Variants in WAC observed in about 807,000 individuals in gnomAD.
WAC encodes the protein WW domain containing adaptor with coiled-coil, also known as WW domain-containing adapter protein with coiled-coil.
A neutral mutation model predicts 79.6 loss-of-function variants in WAC; 11 were observed. That is an observed-to-expected ratio of 0.14 (90% CI 0.09 to 0.23). WAC has a LOEUF of 0.23. WAC is among the 10% of genes least tolerant of loss of function. The pLI is 1.00. For missense variants in WAC, 728 were observed against 773.5 expected (o/e 0.94, Z 0.70); for synonymous variants, 304 against 276.9 (o/e 1.10, Z -0.97).
chr10:28,564,206 A>C (rs1397788669), intron 3 of WAC, among the ~76,000 whole-genome samples: 1 of 152,174 alleles, frequency 6.6e-6, no homozygotes, highest in Non-Finnish European at 1.5e-5. Flanking sequence ...TGGAGGTTGC[A>C]ATGAGCCAAG....
chr10:28,541,675 G>T (rs1212052136), intron 3 of WAC, among the ~76,000 whole-genome samples: 1 of 152,008 alleles, frequency 6.6e-6, no homozygotes, highest in Non-Finnish European at 1.5e-5. Flanking sequence ...AGGCTGATCA[G>T]TATTATTCCT....
At chr10:28,617,811 T>C in intron 13 of WAC, 27 bp downstream of exon 13, 1 of 1,559,470 alleles carries the variant, frequency 6.4e-7, no homozygotes, top group Non-Finnish European at 8.6e-7. Context: ...AATATATTTT[T>C]ATGTTTCTCA....
rs1372882720 is a variant in WAC, at chr10:28,535,730, A to G, written c.247A>G (p.Thr83Ala). The G allele has an allele frequency of 1.2e-6, 2 of 1,613,664 alleles. No individual in the cohort carries two copies. Among genetic ancestry groups the G allele is most frequent in the Non-Finnish European group, 8.5e-7 (1 of 1,179,794 alleles). The change falls in exon 3 of 14, where the codon ACT becomes GCT. Residue 83 changes from threonine to alanine, a missense_variant. Transcript: ENST00000354911. ...TCACAGTAAGGCCAAAAATGTGCAT[A>G]CTCACAGAGTTAGAGAGAGGGATGG... Reference protein sequence around the residue: ...TGHSKAKNVHTHRVRERDGGT... With the variant: ...TGHSKAKNVHAHRVRERDGGT...
intron 3 of WAC, among the ~76,000 whole-genome samples, chr10:28,547,966 C>A (rs1485637710): frequency 7.1e-6 from 1 of 141,240 alleles, no homozygotes; most frequent in Non-Finnish European, 1.5e-5. Context: ...TGTTGCTGAA[C>A]CTGGAGTGTA....
chr10:28,544,212 C>T (rs1837229590), intron 3 of WAC, among the ~76,000 whole-genome samples: 1 of 152,248 alleles, frequency 6.6e-6, no homozygotes, highest in South Asian at 2.1e-4. Context: ...AATTGTTTCG[C>T]ATTGTGTTCC....
intron 5 of WAC, 151 bp from the exon 6 acceptor site, chr10:28,590,569 G>A (rs1840033637): frequency 1.4e-5 from 9 of 620,936 alleles, no homozygotes; most frequent in South Asian, 4.4e-5. Context: ...TGTTTGCTAC[G>A]TTCCATCTCA....
At chr10:28,550,771 A>C (rs150088041) in intron 3 of WAC, among the ~76,000 whole-genome samples, 1 of 152,332 alleles carries the variant, frequency 6.6e-6, no homozygotes, top group East Asian at 1.9e-4. Context: ...CAAATAGTCT[A>C]TTCAGGCTTT....
chr10:28,594,335 T>C (rs1349175369), intron 6 of WAC, among the ~76,000 whole-genome samples: 1 of 152,234 alleles, frequency 6.6e-6, no homozygotes, highest in Non-Finnish European at 1.5e-5. Flanking sequence ...CTGCTATGTC[T>C]GTCTCTAAAG....
At chr10:28,584,827 C>T (rs556868574) in intron 4 of WAC, among the ~76,000 whole-genome samples, 6 of 152,190 alleles carry the variant, frequency 3.9e-5, no homozygotes, top group East Asian at 1.9e-4. Flanking sequence ...CACGGTGGCT[C>T]GCTCCTGTAA....
chr10:28,541,339 A>C (rs1837009677), intron 3 of WAC, among the ~76,000 whole-genome samples: 1 of 151,112 alleles, frequency 6.6e-6, no homozygotes, highest in Non-Finnish European at 1.5e-5. Flanking sequence ...TTGGGATGCT[A>C]TACCAGGCAC....
chr10:28,557,166 G>T (rs1838044376), intron 3 of WAC, among the ~76,000 whole-genome samples: 1 of 151,912 alleles, frequency 6.6e-6, no homozygotes, highest in Admixed American at 6.6e-5. Context: ...GGTAATATAG[G>T]TGTTTATATC....
At chr10:28,611,291 A>T (rs895463473) in intron 9 of WAC, 1 of 1,292,768 alleles carries the variant, frequency 7.7e-7, no homozygotes, top group Non-Finnish European at 1.0e-6. Context: ...ATGGAGAGAG[A>T]TACACATAGG....
rs1214535556 is a variant in WAC at position 28,603,965 on chromosome 10, ATATATATATATATATATATATATG to A, written c.920-4205_920-4182del. On this transcript the variant is annotated intron_variant, in intron 7 of 13. Transcript: ENST00000354911. ...AAAATATATATATGTATGTATGTAT[ATATATATATATATATATATATATG>A]TATATATATATATATTTCTATACTA... 4.3e-3 allele frequency among the ~76,000 whole-genome samples: 113 copies of A among 26,262 alleles called. 5 individuals carry two copies. Among genetic ancestry groups the A allele is most frequent in the African/African-American group, 6.1e-3 (41 of 6,706 alleles). 17.2% of individuals were successfully genotyped at this position (26,262 alleles called of 152,430 possible).
At chr10:28,538,121 A>C (rs1836782429) in intron 3 of WAC, 1 of 157,460 alleles carries the variant, frequency 6.4e-6, no homozygotes, top group Admixed American at 6.5e-5. Flanking sequence ...TCTTCAAAAA[A>C]CGTAAAATGG....
intron 3 of WAC, among the ~76,000 whole-genome samples, chr10:28,556,219 C>T (rs1837976313): frequency 6.6e-6 from 1 of 151,642 alleles, no homozygotes; most frequent in South Asian, 2.1e-4. Context: ...CCCTCACCAA[C>T]ACTTAACCTC....
chr10:28,621,268 C>T lies in WAC; in HGVS notation c.*1662C>T, dbSNP rs77769382. 928 of 138,940 alleles carry T rather than the reference C, an allele frequency of 6.7e-3. 8 individuals carry two copies. The highest frequency in any genetic ancestry group is 0.024 in the African/African-American group (897 of 36,972). 8.6% of individuals were successfully genotyped at this position (138,940 alleles called of 1,614,324 possible). ...GGCAGATAAGTGCTTCCAAAACTGGCAGCACCAAGGGCTTATTTTTTATGT... is the reference window on the plus strand; with the variant it reads ...GGCAGATAAGTGCTTCCAAAACTGGTAGCACCAAGGGCTTATTTTTTATGT... On this transcript the variant is annotated 3_prime_UTR_variant, in exon 14 of 14. Transcript: ENST00000354911.
At chr10:28,557,394 A>G (rs1160337182) in intron 3 of WAC, among the ~76,000 whole-genome samples, 4 of 152,210 alleles carry the variant, frequency 2.6e-5, no homozygotes, top group African/African-American at 9.6e-5. Flanking sequence ...TCAAAATTGG[A>G]AAATAAAGGA....
intron 7 of WAC, among the ~76,000 whole-genome samples, chr10:28,602,814 C>T (rs1044801095): frequency 1.1e-4 from 16 of 152,020 alleles, no homozygotes; most frequent in African/African-American, 3.6e-4. Context: ...GATTTTTATG[C>T]GTCTAGTCTT....
intron 3 of WAC, among the ~76,000 whole-genome samples, chr10:28,577,586 G>A (rs1277421581): frequency 6.6e-6 from 1 of 152,146 alleles, no homozygotes; most frequent in African/African-American, 2.4e-5. Flanking sequence ...AAGTGCTGTG[G>A]CCGCTGGTTA....
Sources: allele counts gnomAD v4.1 joint callset (sites outside exome capture counted in the v4.1 genomes callset), GRCh38; gene constraint gnomAD v4.1.1; transcripts MANE v1.5; gene names NCBI Gene and HGNC (gene_info 2026-07-23, HGNC 2026-07-21).